The following CEP290 variants were observed in gnomAD, a reference collection of about 807,000 sequenced individuals.
CEP290 encodes centrosomal protein 290.
A neutral mutation model predicts 344.9 loss-of-function variants in CEP290; 317 were observed. That is an observed-to-expected ratio of 0.92 (90% confidence interval 0.84 to 1.01). CEP290 has a LOEUF of 1.01. CEP290 is among the 50% of genes least tolerant of loss of function. The pLI, the probability that CEP290 is intolerant of heterozygous loss-of-function variation, is 0.00. For missense variants in CEP290, 2,754 were observed against 2,761.4 expected (o/e 1.00, Z 0.06); for synonymous variants, 932 against 895.8 (o/e 1.04, Z -0.72).
chr12:88,134,498 A>G (rs573629425), intron 6 of CEP290, among the ~76,000 whole-genome samples: 2 of 152,230 alleles, frequency 1.3e-5, no homozygotes, highest in African/African-American at 2.4e-5. Flanking sequence ...CCTTTCAGGA[A>G]AAGAACCAAA....
intron 49 of CEP290, among the ~76,000 whole-genome samples, chr12:88,057,238 T>C (rs965176106): frequency 1.3e-5 from 2 of 152,304 alleles, no homozygotes; most frequent in Admixed American, 6.5e-5. Context: ...CTTAAGATCA[T>C]AGTAAGAATT....
At chr12:88,065,165 ATTAT>A (rs2034813543) in intron 44 of CEP290, among the ~76,000 whole-genome samples, 1 of 151,928 alleles carries the variant, frequency 6.6e-6, no homozygotes. Context: ...ATTTTTTTTA[ATTAT>A]TCAGCACAAC....
chr12:88,115,737 A>G (rs986563892), intron 18 of CEP290: 1 of 931,992 alleles, frequency 1.1e-6, no homozygotes, highest in Non-Finnish European at 1.3e-6. Context: ...AAGAACAACC[A>G]CAGAAATATA....
chr12:88,101,804 T>G (rs1042050982), intron 26 of CEP290, among the ~76,000 whole-genome samples: 1 of 152,104 alleles, frequency 6.6e-6, no homozygotes, highest in East Asian at 1.9e-4. Context: ...ACAGAGGACA[T>G]GGAGAATGGA....
At chr12:88,107,763 G>C (rs957638125) in intron 23 of CEP290, among the ~76,000 whole-genome samples, 1 of 151,958 alleles carries the variant, frequency 6.6e-6, no homozygotes, top group Non-Finnish European at 1.5e-5. Flanking sequence ...TTAGCCAGGC[G>C]TGGTGGCACA....
chr12:88,108,396 A>C (rs1179581726), intron 23 of CEP290, among the ~76,000 whole-genome samples: 2 of 152,226 alleles, frequency 1.3e-5, no homozygotes. Flanking sequence ...TCTTGAATTC[A>C]TGCAGCTATT....
At chr12:88,087,155 C>G (rs1273510719) in intron 32 of CEP290, among the ~76,000 whole-genome samples, 2 of 152,098 alleles carry the variant, frequency 1.3e-5, no homozygotes, top group African/African-American at 4.8e-5. Context: ...GAAGTATATA[C>G]TTTATTCTAT....
chr12:88,086,704 T>TATCC (rs71082424), intron 32 of CEP290, among the ~76,000 whole-genome samples: 292 of 149,190 alleles, frequency 2.0e-3, no homozygotes, highest in African/African-American at 6.1e-3. Flanking sequence ...GATTTCAGTC[T>TATCC]ATCCATCCAT....
At chr12:88,053,247 ATTTTCT>A (rs948834091) in intron 52 of CEP290, among the ~76,000 whole-genome samples, 127 of 152,138 alleles carry the variant, frequency 8.3e-4, no homozygotes, top group African/African-American at 2.8e-3. Flanking sequence ...GAGCAGAAAG[ATTTTCT>A]TTTTACTTTG....
At chr12:88,079,873 A>C (rs1029434532) in intron 38 of CEP290, among the ~76,000 whole-genome samples, 1 of 152,132 alleles carries the variant, frequency 6.6e-6, no homozygotes, top group African/African-American at 2.4e-5. Flanking sequence ...ATAAAATTCC[A>C]GTAGAAAAAA....
intron 11 of CEP290, 109 bp downstream of exon 11, chr12:88,128,837 C>G: frequency 1.7e-6 from 1 of 596,326 alleles, no homozygotes; most frequent in Admixed American, 4.1e-5. Flanking sequence ...TTTAAAAACC[C>G]TAATAAACGT....
intron 17 of CEP290, among the ~76,000 whole-genome samples, chr12:88,118,117 G>A (rs2039167488): frequency 6.6e-6 from 1 of 151,866 alleles, no homozygotes; most frequent in Admixed American, 6.5e-5. Flanking sequence ...AAGGGAAAAT[G>A]TTGAGTAACA....
chr12:88,053,697 T>A lies in CEP290; in HGVS notation c.7084A>T (p.Ile2362Leu), dbSNP rs1364454411. The change falls in exon 52 of 54, where the codon ATA becomes TTA. Residue 2362 changes from isoleucine (I) to leucine (L), a missense_variant. Physicochemically the swap from Ile to Leu is conservative, Grantham distance 5. Coordinates refer to ENST00000552810, the MANE Select transcript of CEP290 (RefSeq NM_025114.4). ...DKEKAELIHQIEANKDQSGAE... is the reference protein window; with the variant it reads ...DKEKAELIHQLEANKDQSGAE... The stretch of plus-strand genomic sequence containing the variant: ...CCACTTTGGTCCTTGTTAGCTTCTA[T>A]CTGATGGATTAATTCTGCTTTCTCT... 6.4e-7 allele frequency: 1 copy of A among 1,555,286 alleles called. No individual in the cohort carries two copies.
chr12:88,101,122 C>T (rs1455746228), intron 26 of CEP290, among the ~76,000 whole-genome samples: 2 of 151,812 alleles, frequency 1.3e-5, no homozygotes, highest in Non-Finnish European at 2.9e-5. Context: ...ATAATGGCTG[C>T]CACAATAAAG....
Position 88,109,067 on chromosome 12 carries a change from T to G in CEP290, c.2482A>C (p.Ser828Arg). The G allele has an allele frequency of 1.8e-6, 2 of 1,141,860 alleles. No individual in the cohort carries two copies. Among genetic ancestry groups the G allele is most frequent in the Non-Finnish European group, 2.5e-6 (2 of 811,682 alleles). 70.7% of individuals were successfully genotyped at this position (1,141,860 alleles called of 1,614,324 possible). The change falls in exon 23 of 54, where the codon AGT becomes CGT. Residue 828 changes from serine (S) to arginine (R), a missense_variant and splice_region_variant. Physicochemically the swap from Ser to Arg is moderately radical, Grantham distance 110 (BLOSUM62 -1). Coordinates refer to ENST00000552810, the MANE Select transcript of CEP290 (RefSeq NM_025114.4). ...QQSLLYKEYL[S>R]EKETWKTESK... ...TTATAGTTTTGCTAATACCTATACC[T>G]TAGGTATTCTTTATACAACAAACTT...
chr12:88,136,352 T>C lies in CEP290; in HGVS notation c.441+291A>G, dbSNP rs544530463. The C allele has an allele frequency of 2.7e-5, 9 of 331,198 alleles. No homozygotes were observed. The East Asian group carries it at 6.6e-4, about 24-fold the overall frequency. 20.5% of individuals were successfully genotyped at this position (331,198 alleles called of 1,614,324 possible). A position where few individuals can be genotyped will look rare whatever the true frequency, so the allele number is the denominator to read the frequency against. On this transcript the variant is annotated intron_variant, in intron 6 of 53. Transcript: ENST00000552810. ...TTCTTTATGAAAATCTATTAGTTACTTGATACCAATCTTCCAGACAAAAGC... is the reference window on the plus strand; with the variant it reads ...TTCTTTATGAAAATCTATTAGTTACCTGATACCAATCTTCCAGACAAAAGC...
chr12:88,134,187 CTT>C (rs1456714707), intron 6 of CEP290, among the ~76,000 whole-genome samples: 6 of 152,146 alleles, frequency 3.9e-5, no homozygotes, highest in East Asian at 1.9e-4. Flanking sequence ...CCAAATTCCT[CTT>C]GTGTTCCTCC....
Position 88,084,798 on chromosome 12 carries a change from T to C in CEP290, c.4492A>G (p.Arg1498Gly). 2 of 1,611,360 alleles carry C rather than the reference T, an allele frequency of 1.2e-6. No individual in the cohort carries two copies. The highest frequency in any genetic ancestry group is 2.2e-5 in the South Asian group (2 of 90,422). Residue 1498 changes from arginine (R) to glycine (G), a missense_variant, in exon 35 of 54, where the codon AGA becomes GGA. Physicochemically the swap from Arg to Gly is moderately radical, Grantham distance 125 (BLOSUM62 -2). Transcript: ENST00000552810. ...LRLAEQNILS[R>G]DKVINELRLR... is the part of the protein sequence containing the mutation. ...CTCAGTTCATTGATTACTTTGTCTCTTGACAGTATATTTTGTTCTGCTAAC... is the reference window on the plus strand; with the variant it reads ...CTCAGTTCATTGATTACTTTGTCTCCTGACAGTATATTTTGTTCTGCTAAC...
In CEP290 at chr12:88,087,917, C is replaced by T; in HGVS notation, c.4057G>A (p.Glu1353Lys). The change falls in exon 32 of 54, where the codon GAA (glutamate) becomes AAA (lysine). Residue 1353 changes from glutamate (E) to lysine (K), a missense_variant. Glu to Lys is a moderately conservative substitution (Grantham distance 56). Transcript: ENST00000552810. ...AGTTTAAGTTCTTGAAGACGAAGTT[C>T]TTCTATTTTCATATGCCAGTTGATT... ...KVINWHMKIEELRLQELKLNR... is the reference protein window; with the variant it reads ...KVINWHMKIEKLRLQELKLNR... The T allele has an allele frequency of 8.4e-7, 1 of 1,196,064 alleles. No homozygotes were observed. The highest frequency in any genetic ancestry group is 1.1e-6 in the Non-Finnish European group (1 of 933,738). 74.1% of individuals were successfully genotyped at this position (1,196,064 alleles called of 1,614,324 possible). A position where few individuals can be genotyped will look rare whatever the true frequency, so the allele number is the denominator to read the frequency against.
Sources: allele counts gnomAD v4.1 joint callset (sites outside exome capture counted in the v4.1 genomes callset), GRCh38; gene constraint gnomAD v4.1.1; transcripts MANE v1.5; gene names NCBI Gene and HGNC (gene_info 2026-07-23, HGNC 2026-07-21).